Variants in VPS13B observed in about 807,000 individuals in gnomAD.
VPS13B encodes the protein vacuolar protein sorting 13 homolog B.
VPS13B carries 285 observed loss-of-function variants against 426.4 expected under a neutral mutation model. The observed-to-expected ratio is 0.67, with a 90% CI of 0.61 to 0.74. The LOEUF is 0.74. Among genes scored for constraint, VPS13B ranks in the 30% least tolerant of loss-of-function variants. VPS13B has a pLI of 0.00. For synonymous variants in VPS13B, 1,676 were observed against 1,676.4 expected (o/e 1.00, Z 0.01); for missense variants, 4,537 against 4,782.6 (o/e 0.95, Z 1.51).
At chr8:99,160,423 C>A (rs373971276) in intron 15 of VPS13B, among the ~76,000 whole-genome samples, 1 of 152,084 alleles carries the variant, frequency 6.6e-6, no homozygotes, top group East Asian at 1.9e-4. Context: ...CTTTGAGAGT[C>A]TGAGGTGGGT....
intron 8 of VPS13B, among the ~76,000 whole-genome samples, chr8:99,124,813 C>T (rs190118101): frequency 2.2e-4 from 29 of 131,222 alleles, no homozygotes; most frequent in Non-Finnish European, 3.5e-4. Context: ...ACCTGGGAGG[C>T]GGAGGTTGCA....
chr8:99,437,120 C>T (rs993428827), intron 22 of VPS13B, among the ~76,000 whole-genome samples: 5 of 152,072 alleles, frequency 3.3e-5, no homozygotes, highest in Non-Finnish European at 7.4e-5. Flanking sequence ...TAAAACAGGA[C>T]ATCATAACTT....
chr8:99,683,999 A>T lies in VPS13B; in HGVS notation c.6047-15526A>T, dbSNP rs560142280. Among the ~76,000 whole-genome samples, 246 of 152,332 alleles carry T rather than the reference A, an allele frequency of 1.6e-3. 1 individual carries two copies. The highest frequency in any genetic ancestry group is 2.7e-3 in the Admixed American group (42 of 15,302). ...TTCATATATAGCCTTCATCAGGTTA[A>T]GTTTCCCTCTACCAATAGTTTGCCT... On this transcript the variant is annotated intron_variant, in intron 35 of 61. Coordinates refer to ENST00000357162, the MANE Select transcript of VPS13B (RefSeq NM_152564.5).
chr8:99,023,073 C>G (rs566797714), intron 2 of VPS13B, among the ~76,000 whole-genome samples: 368 of 151,916 alleles, frequency 2.4e-3, no homozygotes, highest in Non-Finnish European at 3.6e-3. Flanking sequence ...ACTGCAGCTT[C>G]GACCACATGG....
intron 57 of VPS13B, 22 bp downstream of exon 57, chr8:99,859,502 A>G: frequency 1.9e-6 from 3 of 1,611,088 alleles, no homozygotes; most frequent in Non-Finnish European, 2.5e-6. Context: ...CGTTCCTTGT[A>G]ATAATGCCTT....
chr8:99,288,626 A>G (rs552104044), intron 19 of VPS13B, among the ~76,000 whole-genome samples: 66 of 152,122 alleles, frequency 4.3e-4, no homozygotes, highest in Non-Finnish European at 7.8e-4. Flanking sequence ...TTAAGATATC[A>G]TAATTTACAT....
chr8:99,784,690 C>CG (rs1812176697), intron 43 of VPS13B, among the ~76,000 whole-genome samples: 1 of 151,994 alleles, frequency 6.6e-6, no homozygotes, highest in Admixed American at 6.6e-5. Context: ...GTGCTTGGGG[C>CG]GGGGGCAGCA....
In VPS13B at chr8:99,853,589, G is replaced by C; in HGVS notation, c.10200G>C (p.Pro3400=). The C allele has an allele frequency of 6.2e-7, 1 of 1,614,124 alleles. No homozygotes were observed. The highest frequency in any genetic ancestry group is 8.5e-7 in the Non-Finnish European group (1 of 1,180,024). The change falls in exon 56 of 62, where the codon CCG becomes CCC. Residue 3400 remains proline, a synonymous_variant. Transcript: ENST00000357162. ...TLDNIFLCVA[P]GAGPLPGEEP... is the part of the protein sequence containing the mutation. ...ACAACATTTTTCTCTGTGTGGCCCC[G>C]GGAGCTGGTCCCCTCCCTGGGGAAG...
intron 56 of VPS13B, among the ~76,000 whole-genome samples, chr8:99,856,216 C>T (rs1001432637): frequency 2.0e-5 from 3 of 152,202 alleles, no homozygotes; most frequent in Admixed American, 6.5e-5. Flanking sequence ...TCTAAGCTGC[C>T]GTTCCAATCT....
At chr8:99,320,304 A>C (rs563916949) in intron 19 of VPS13B, among the ~76,000 whole-genome samples, 5 of 152,254 alleles carry the variant, frequency 3.3e-5, no homozygotes, top group Non-Finnish European at 7.4e-5. Flanking sequence ...GTCAGGATGG[A>C]TAGTGGGGGC....
intron 31 of VPS13B, among the ~76,000 whole-genome samples, chr8:99,565,876 T>C (rs909804790): frequency 1.3e-5 from 2 of 152,206 alleles, no homozygotes; most frequent in African/African-American, 4.8e-5. Flanking sequence ...CTCACTACTT[T>C]GGGAGGCCAA....
At chr8:99,175,677 C>T (rs577914550) in intron 16 of VPS13B, among the ~76,000 whole-genome samples, 30 of 152,128 alleles carry the variant, frequency 2.0e-4, no homozygotes, top group Non-Finnish European at 3.8e-4. Context: ...GGATCACTTG[C>T]GCTCGGGAGA....
Position 99,861,646 on chromosome 8 carries a change from G to A in VPS13B, c.11045-130G>A, listed in dbSNP as rs1198801053. 2.5e-6 allele frequency: 3 copies of A among 1,220,392 alleles called. No individual in the cohort carries two copies. The Admixed American group carries it at 5.9e-5, about 24-fold the overall frequency. The allele number at this position is 1,220,392 out of a possible 1,614,324, so 75.6% of individuals were successfully genotyped here. On this transcript the variant is annotated intron_variant, in intron 57 of 61. Transcript: ENST00000357162. ...CTCTTTCTTCAAATTGCCTGAGAGG[G>A]AGCCACCATCACTTGCCACTGGGCA... is the stretch of plus-strand genomic sequence containing the variant.
intron 2 of VPS13B, among the ~76,000 whole-genome samples, chr8:99,032,010 T>C (rs1842528066): frequency 6.6e-6 from 1 of 152,230 alleles, no homozygotes; most frequent in African/African-American, 2.4e-5. Context: ...TATACTGGAC[T>C]CAGGGCTTGT....
intron 16 of VPS13B, among the ~76,000 whole-genome samples, chr8:99,178,047 A>G (rs948238271): frequency 2.0e-5 from 3 of 152,040 alleles, no homozygotes; most frequent in African/African-American, 7.2e-5. Context: ...TTAAAGCGAA[A>G]TGGCTTGGTT....
intron 16 of VPS13B, among the ~76,000 whole-genome samples, chr8:99,182,161 A>G (rs948573668): frequency 2.6e-5 from 4 of 152,212 alleles, no homozygotes; most frequent in Non-Finnish European, 5.9e-5. Context: ...AACAACAAAT[A>G]CCACTCATCA....
intron 3 of VPS13B, among the ~76,000 whole-genome samples, chr8:99,088,833 A>G (rs1845984873): frequency 6.6e-6 from 1 of 152,122 alleles, no homozygotes; most frequent in Non-Finnish European, 1.5e-5. Context: ...ACTGCTCTCT[A>G]TTTAACCTAA....
intron 19 of VPS13B, among the ~76,000 whole-genome samples, chr8:99,328,823 A>G (rs1810412639): frequency 6.6e-6 from 1 of 152,176 alleles, no homozygotes; most frequent in African/African-American, 2.4e-5. Flanking sequence ...CAGTAGAAGA[A>G]GAGTGTGAAT....
At position 99,102,952 on chromosome 8, in the gene VPS13B, G is replaced by A. The variant is rs779882274; in HGVS notation, c.413-1G>A. The A allele has an allele frequency of 6.3e-7, 1 of 1,599,866 alleles. No individual in the cohort carries two copies. The highest frequency in any genetic ancestry group is 1.1e-5 in the South Asian group (1 of 90,672). On this transcript the variant is annotated splice_acceptor_variant, in intron 4 of 61. Transcript: ENST00000357162. LOFTEE classifies it high-confidence loss of function. ...TTAAATTCTTTTTTTCTATTTTATAGGTTATGTGCAGAGTCTGATTAGACG... is the reference window on the plus strand; with the variant it reads ...TTAAATTCTTTTTTTCTATTTTATAAGTTATGTGCAGAGTCTGATTAGACG...
Sources: gnomAD v4.1 joint callset for allele counts (sites outside exome capture counted in the v4.1 genomes callset) on GRCh38, gnomAD v4.1.1 for gene constraint, MANE v1.5 for transcripts, NCBI Gene and HGNC (gene_info 2026-07-23, HGNC 2026-07-21) for gene names.